CACNA1C: variants seen among roughly 807,000 people sequenced by gnomAD.
The protein encoded by CACNA1C is calcium voltage-gated channel subunit alpha1 C, also known as voltage-dependent L-type calcium channel subunit alpha-1C.
Under a neutral mutation model 229.0 loss-of-function variants are expected in CACNA1C, and 30 were observed. The ratio of observed to expected loss-of-function variants is 0.13; its 90% confidence interval spans 0.10 to 0.18. The LOEUF (loss-of-function observed/expected upper bound fraction) is 0.18, where lower values mean the gene tolerates loss of function less well. Ranked by LOEUF, CACNA1C falls within the 10% of genes least tolerant of loss-of-function variation. The pLI is 1.00. For missense variants in CACNA1C, 1,658 were observed against 2,845.0 expected (o/e 0.58, Z 9.49); for synonymous variants, 1,114 against 1,132.5 (o/e 0.98, Z 0.33).
chr12:2,519,239 A>G (rs772861976), intron 9 of CACNA1C, among the ~76,000 whole-genome samples: 20 of 152,190 alleles, frequency 1.3e-4, no homozygotes, highest in Non-Finnish European at 2.5e-4. Context: ...TTGTGTCCCC[A>G]TGACCTGACA....
At chr12:2,578,205 C>T (rs1196432319) in intron 13 of CACNA1C, among the ~76,000 whole-genome samples, 3 of 152,152 alleles carry the variant, frequency 2.0e-5, no homozygotes, top group Admixed American at 6.5e-5. Context: ...AGGGATAGAG[C>T]GGTGGCCAGG....
chr12:2,607,227 C>A, intron 26 of CACNA1C, 97 bp downstream of exon 26: 1 of 1,281,740 alleles, frequency 7.8e-7, no homozygotes, highest in Non-Finnish European at 1.1e-6. Context: ...CCCGCACTCC[C>A]TCTGGAGGTC....
At chr12:2,539,255 C>G (rs4765694) in intron 9 of CACNA1C, among the ~76,000 whole-genome samples, 1 of 126,262 alleles carries the variant, frequency 7.9e-6, no homozygotes, top group Non-Finnish European at 1.6e-5. Context: ...TTAAGGAGGG[C>G]TTCATAAAGA....
chr12:2,311,057 G>A (rs1211304813), intron 3 of CACNA1C, among the ~76,000 whole-genome samples: 2 of 152,160 alleles, frequency 1.3e-5, no homozygotes, highest in Admixed American at 6.5e-5. Context: ...GCCACACACA[G>A]TGAGGCTTTC....
intron 3 of CACNA1C, among the ~76,000 whole-genome samples, chr12:2,213,554 G>A (rs191308114): frequency 5.3e-5 from 8 of 152,276 alleles, no homozygotes; most frequent in Non-Finnish European, 1.2e-4. Flanking sequence ...CTCCTAGTTC[G>A]CTGCTACCTG....
At chr12:2,394,891 G>A (rs1173533921) in intron 3 of CACNA1C, among the ~76,000 whole-genome samples, 1 of 152,248 alleles carries the variant, frequency 6.6e-6, no homozygotes, top group Non-Finnish European at 1.5e-5. Context: ...TGCAAAGCCA[G>A]TGTAAGGCTA....
chr12:2,396,446 C>G (rs987057869), intron 3 of CACNA1C, among the ~76,000 whole-genome samples: 1 of 152,148 alleles, frequency 6.6e-6, no homozygotes, highest in Admixed American at 6.5e-5. Flanking sequence ...GGCAGAAAGG[C>G]GATCCGGCTG....
chr12:2,373,198 C>T (rs747417177), intron 3 of CACNA1C, among the ~76,000 whole-genome samples: 1 of 152,160 alleles, frequency 6.6e-6, no homozygotes, highest in Non-Finnish European at 1.5e-5. Context: ...TTGGGGAAAA[C>T]ATCCATATGT....
At chr12:2,612,152 A>G in intron 29 of CACNA1C, 139 bp downstream of exon 29, 5 of 634,192 alleles carry the variant, frequency 7.9e-6, no homozygotes, top group South Asian at 3.7e-5. Flanking sequence ...TCCGATGGTC[A>G]GTGCCCCAAC....
At chr12:2,043,783 G>T (rs1477743066) in intron 1 of CACNA1C, among the ~76,000 whole-genome samples, 1 of 138,648 alleles carries the variant, frequency 7.2e-6, no homozygotes, top group Non-Finnish European at 1.5e-5. Context: ...AGCCTCCCCA[G>T]TAGCTGGGAC....
chr12:2,161,593 G>A (rs76833116), intron 3 of CACNA1C, among the ~76,000 whole-genome samples: 3,402 of 152,306 alleles, frequency 0.022, 67 homozygotes, highest in Non-Finnish European at 0.032. Context: ...GCCTCAAGCC[G>A]TGAAAAATGA....
In CACNA1C at chr12:2,264,227, G is replaced by A. The variant is rs372184998; in HGVS notation, c.477+143797G>A. 5.3e-5 allele frequency among the ~76,000 whole-genome samples: 8 copies of A among 152,342 alleles called. No individual in the cohort carries two copies. The South Asian group carries it at 1.4e-3, about 28-fold the overall frequency. ...TATAGTGATGCCTCCTAAGCCTGGGGATGCCTCTGCAAGGGCTCCAGGGGG... is the reference window on the plus strand; with the variant it reads ...TATAGTGATGCCTCCTAAGCCTGGGAATGCCTCTGCAAGGGCTCCAGGGGG... On this transcript the variant is annotated intron_variant, in intron 3 of 46. Transcript: ENST00000399655.
At chr12:2,540,282 T>A (rs1276533158) in intron 9 of CACNA1C, among the ~76,000 whole-genome samples, 1 of 152,038 alleles carries the variant, frequency 6.6e-6, no homozygotes, top group Admixed American at 6.5e-5. Flanking sequence ...CATGATGATA[T>A]GAAGTGTTAT....
intron 3 of CACNA1C, among the ~76,000 whole-genome samples, chr12:2,360,603 G>A (rs2097534229): frequency 6.6e-6 from 1 of 152,190 alleles, no homozygotes; most frequent in African/African-American, 2.4e-5. Flanking sequence ...GGGCTAGAAT[G>A]GAATGAGCTT....
At chr12:2,052,915 C>CGGGCAG (rs2052693491), upstream of CACNA1C, 1 of 893,986 alleles carries the variant, frequency 1.1e-6, no homozygotes, top group Non-Finnish European at 1.3e-6. Context: ...GCGGGCGGCG[C>CGGGCAG]GGGCAGGGGC....
chr12:2,068,186 A>T (rs139775879), intron 1 of CACNA1C, among the ~76,000 whole-genome samples: 22 of 152,294 alleles, frequency 1.4e-4, no homozygotes, highest in African/African-American at 5.1e-4. Flanking sequence ...GATGCCAAGG[A>T]CAGTAACACT....
chr12:2,665,808 C>T lies in CACNA1C; in HGVS notation c.4526+100C>T. ...CAAGGTTGGCCAACACTGGGTGGATCAATTAGAAACACTGGATTGTATCAC... is the reference window on the plus strand; with the variant it reads ...CAAGGTTGGCCAACACTGGGTGGATTAATTAGAAACACTGGATTGTATCAC... On this transcript the variant is annotated intron_variant, in intron 36 of 46. Transcript: ENST00000399655. This position sits in a 1 kb window ranked among gnomAD's most constrained non-coding sequence, Gnocchi z 5.9. 4.3e-6 allele frequency: 5 copies of T among 1,152,498 alleles called. No individual in the cohort carries two copies. The highest frequency in any genetic ancestry group is 6.0e-6 in the Non-Finnish European group (5 of 828,168). The allele number at this position is 1,152,498 out of a possible 1,614,324, so 71.4% of individuals were successfully genotyped here. A position where few individuals can be genotyped will look rare whatever the true frequency, so the allele number is the denominator to read the frequency against.
Position 2,582,807 on chromosome 12 carries a change from G to C in CACNA1C, c.2104-15G>C. On this transcript the variant is annotated splice_polypyrimidine_tract_variant and intron_variant, in intron 14 of 46. Coordinates refer to ENST00000399655, the MANE Select transcript of CACNA1C (RefSeq NM_000719.7). ...CTAACGCTGTGTCCCTTATTGGTGGGAATGTGTCATTCAGATCCTGACCGG... is the reference window on the plus strand; with the variant it reads ...CTAACGCTGTGTCCCTTATTGGTGGCAATGTGTCATTCAGATCCTGACCGG... 3 of 1,613,406 alleles carry C rather than the reference G, an allele frequency of 1.9e-6. No individual in the cohort carries two copies. Among genetic ancestry groups the C allele is most frequent in the Non-Finnish European group, 2.5e-6 (3 of 1,179,668 alleles).
chr12:2,457,264 C>T (rs2154564862), intron 4 of CACNA1C, among the ~76,000 whole-genome samples: 1 of 152,368 alleles, frequency 6.6e-6, no homozygotes, highest in South Asian at 2.1e-4. Flanking sequence ...CAACAGACTT[C>T]ACCTGCTTCC....
Sources: gnomAD v4.1 joint callset for allele counts (sites outside exome capture counted in the v4.1 genomes callset) on GRCh38, gnomAD v4.1.1 for gene constraint, Gnocchi (gnomAD v3.1) non-coding constraint, MANE v1.5 for transcripts, NCBI Gene and HGNC (gene_info 2026-07-23, HGNC 2026-07-21) for gene names.